Variants in NCALD observed in about 807,000 individuals in gnomAD.
NCALD encodes neurocalcin-delta.
NCALD carries 10 observed loss-of-function variants against 18.6 expected under a neutral mutation model. The observed-to-expected ratio is 0.54, with a 90% CI of 0.33 to 0.91. The LOEUF is 0.91. Among genes scored for constraint, NCALD ranks in the 40% least tolerant of loss-of-function variants. The probability of loss-of-function intolerance (pLI) is 0.03; values close to 1 mark genes in which losing one functional copy is unlikely to be tolerated. For synonymous variants in NCALD, 88 were observed against 87.4 expected (o/e 1.01, Z -0.04); for missense variants, 184 against 247.6 (o/e 0.74, Z 1.72).
intron 2 of NCALD, among the ~76,000 whole-genome samples, chr8:101,996,071 T>G (rs575854496): frequency 1.3e-5 from 2 of 152,356 alleles, no homozygotes; most frequent in South Asian, 4.1e-4. Flanking sequence ...CTGTGGGCTT[T>G]CACACATTTT....
At chr8:101,820,819 T>C (rs1334191692) in intron 4 of NCALD, among the ~76,000 whole-genome samples, 1 of 152,228 alleles carries the variant, frequency 6.6e-6, no homozygotes, top group African/African-American at 2.4e-5. Flanking sequence ...CTTGGAAATA[T>C]GCAGGCAATA....
At chr8:101,723,143 G>C (rs963339090) in intron 1 of NCALD, among the ~76,000 whole-genome samples, 1 of 152,176 alleles carries the variant, frequency 6.6e-6, no homozygotes, top group African/African-American at 2.4e-5. Flanking sequence ...GAGAAAAACA[G>C]TTTGGAGACA....
intron 4 of NCALD, among the ~76,000 whole-genome samples, chr8:101,831,111 T>C (rs768377485): frequency 7.9e-5 from 12 of 152,138 alleles, no homozygotes; most frequent in Non-Finnish European, 1.3e-4. Context: ...TTTTCAGTAT[T>C]AGTAAAGTTT....
chr8:101,832,342 C>G (rs979099830), intron 4 of NCALD, among the ~76,000 whole-genome samples: 4 of 152,188 alleles, frequency 2.6e-5, no homozygotes, highest in African/African-American at 9.6e-5. Context: ...AGGCAGGGAA[C>G]TTAGACCCAC....
At chr8:102,001,712 G>A (rs1433819539) in intron 2 of NCALD, among the ~76,000 whole-genome samples, 1 of 152,080 alleles carries the variant, frequency 6.6e-6, no homozygotes, top group Non-Finnish European at 1.5e-5. Context: ...AGAGAGTGGG[G>A]GTCAATATTC....
chr8:101,896,365 C>T (rs1240064563), intron 3 of NCALD, among the ~76,000 whole-genome samples: 1 of 151,920 alleles, frequency 6.6e-6, no homozygotes, highest in Non-Finnish European at 1.5e-5. Flanking sequence ...AAAATCAATT[C>T]AAGATGGATT....
intron 2 of NCALD, among the ~76,000 whole-genome samples, chr8:101,930,331 T>C (rs1818526419): frequency 6.6e-6 from 1 of 152,154 alleles, no homozygotes; most frequent in Non-Finnish European, 1.5e-5. Context: ...AAAATGCCTC[T>C]GGCTACTCCA....
intron 1 of NCALD, among the ~76,000 whole-genome samples, chr8:102,068,388 C>T (rs1234213434): frequency 1.3e-5 from 2 of 152,214 alleles, no homozygotes; most frequent in Non-Finnish European, 2.9e-5. Flanking sequence ...GCCACTCTGG[C>T]CTCTCTCCTG....
chr8:101,962,923 A>T lies in NCALD; in HGVS notation c.-156-47065T>A, dbSNP rs1294504225. Among the ~76,000 whole-genome samples the T allele has an allele frequency of 3.3e-5, 5 of 152,108 alleles. 1 individual carries two copies. Among genetic ancestry groups the T allele is most frequent in the Non-Finnish European group, 5.9e-5 (4 of 68,016 alleles). ...ATAATCCTGGGGCAGGTTAAAAACAAACAAAAAAAACAAAACAAAAAGATG... is the reference window on the plus strand; with the variant it reads ...ATAATCCTGGGGCAGGTTAAAAACATACAAAAAAAACAAAACAAAAAGATG... On this transcript the variant is annotated intron_variant, in intron 2 of 6. Transcript: ENST00000311028.
intron 4 of NCALD, among the ~76,000 whole-genome samples, chr8:101,840,941 T>C (rs1041193053): frequency 2.1e-4 from 32 of 152,216 alleles, no homozygotes; most frequent in African/African-American, 6.8e-4. Context: ...AGATTATTAA[T>C]ATCTTTTAAA....
At chr8:101,805,581 AG>A (rs1406190110) in intron 4 of NCALD, among the ~76,000 whole-genome samples, 4 of 152,214 alleles carry the variant, frequency 2.6e-5, no homozygotes, top group Non-Finnish European at 5.9e-5. Context: ...TCATGCCTAA[AG>A]CAGTTATTCA....
At chr8:101,742,396 T>C (rs1379379954) in intron 1 of NCALD, among the ~76,000 whole-genome samples, 1 of 152,234 alleles carries the variant, frequency 6.6e-6, no homozygotes, top group Non-Finnish European at 1.5e-5. Context: ...TGTGCAACAA[T>C]GTATAAAATG....
intron 1 of NCALD, among the ~76,000 whole-genome samples, chr8:102,092,975 C>T (rs953295954): frequency 4.6e-5 from 7 of 152,116 alleles, no homozygotes; most frequent in African/African-American, 1.4e-4. Context: ...TTGCTCTAAC[C>T]GTAGAGCTTT....
chr8:102,061,035 C>T (rs549522735), intron 1 of NCALD, among the ~76,000 whole-genome samples: 106 of 152,304 alleles, frequency 7.0e-4, no homozygotes, highest in Non-Finnish European at 1.1e-3. Flanking sequence ...CTCCCGCCCC[C>T]ACAACACATC....
chr8:102,078,575 C>A (rs1052771805), intron 1 of NCALD, among the ~76,000 whole-genome samples: 1 of 152,224 alleles, frequency 6.6e-6, no homozygotes. Context: ...ATTCATTATG[C>A]TCCAGCCACT....
At chr8:101,737,288 T>A (rs1358338103) in intron 1 of NCALD, among the ~76,000 whole-genome samples, 1 of 152,170 alleles carries the variant, frequency 6.6e-6, no homozygotes, top group African/African-American at 2.4e-5. Context: ...GGGTCTATGT[T>A]GCCCATGCTG....
intron 4 of NCALD, among the ~76,000 whole-genome samples, chr8:101,879,383 C>G (rs1816377609): frequency 6.6e-6 from 1 of 152,210 alleles, no homozygotes; most frequent in Non-Finnish European, 1.5e-5. Flanking sequence ...AGTATTACAG[C>G]TCTTAAGGCC....
intron 1 of NCALD, among the ~76,000 whole-genome samples, chr8:101,768,720 A>G (rs1586452046): frequency 1.0e-5 from 1 of 98,230 alleles, no homozygotes; most frequent in African/African-American, 3.3e-5. Flanking sequence ...AAAAACAAAA[A>G]AACAAAAAAA....
At chr8:101,795,364 A>G (rs915539425), upstream of NCALD, among the ~76,000 whole-genome samples, 12 of 152,202 alleles carry the variant, frequency 7.9e-5, no homozygotes, top group Admixed American at 7.2e-4. Context: ...GGTAGCTTAT[A>G]AACAACAGAA....
Sources: allele counts gnomAD v4.1 joint callset (sites outside exome capture counted in the v4.1 genomes callset), GRCh38; gene constraint gnomAD v4.1.1; transcripts MANE v1.5; gene names NCBI Gene and HGNC (gene_info 2026-07-23, HGNC 2026-07-21).